RNF212B: variants seen among roughly 807,000 people sequenced by gnomAD.
RNF212B encodes the protein E3 ubiquitin-protein ligase RNF212B.
A neutral mutation model predicts 55.5 loss-of-function variants in RNF212B; 52 were observed. That is an observed-to-expected ratio of 0.94 (90% CI 0.75 to 1.18). The LOEUF is 1.18. Ranked by LOEUF, RNF212B falls within the 50% of genes most tolerant of loss-of-function variation. RNF212B has a pLI of 0.00. For synonymous variants in RNF212B, 99 were observed against 121.4 expected (o/e 0.82, Z 1.21); for missense variants, 289 against 350.4 (o/e 0.82, Z 1.40).
intron 8 of RNF212B, 66 bp from the exon 9 acceptor site, chr14:23,262,862 A>T: frequency 1.3e-6 from 2 of 1,494,784 alleles, no homozygotes; most frequent in South Asian, 2.4e-5. Context: ...TGTACAACAA[A>T]TTGGCCAGGC....
chr14:23,263,032 G>A (rs1202968285), intron 9 of RNF212B, 62 bp downstream of exon 9: 1 of 1,402,114 alleles, frequency 7.1e-7, no homozygotes, highest in African/African-American at 1.4e-5. Context: ...GAAATATCTA[G>A]TTGTAGCTCA....
At chr14:23,193,080 A>T (rs1052783894) in intron 1 of RNF212B, among the ~76,000 whole-genome samples, 10 of 139,080 alleles carry the variant, frequency 7.2e-5, no homozygotes, top group African/African-American at 2.2e-4. Context: ...CAACAAGAGA[A>T]AAACTCTGTC....
intron 2 of RNF212B, among the ~76,000 whole-genome samples, chr14:23,194,255 A>C (rs1878416590): frequency 6.6e-6 from 1 of 152,220 alleles, no homozygotes. Context: ...TAAGGCAAAA[A>C]GCATCAATAT....
At chr14:23,253,614 A>T (rs1282373398) in intron 4 of RNF212B, among the ~76,000 whole-genome samples, 1 of 152,082 alleles carries the variant, frequency 6.6e-6, no homozygotes, top group Non-Finnish European at 1.5e-5. Flanking sequence ...CTTATTTTGT[A>T]TGAGGGTAGC....
At chr14:23,251,814 C>CAAAAAAAA (rs71119011) in intron 4 of RNF212B, among the ~76,000 whole-genome samples, 4 of 136,402 alleles carry the variant, frequency 2.9e-5, no homozygotes, top group African/African-American at 2.7e-5. Flanking sequence ...GACTCTGTCT[C>CAAAAAAAA]AAAAAAAAAA....
At chr14:23,238,385 C>T (rs764185149) in intron 1 of RNF212B, among the ~76,000 whole-genome samples, 2 of 151,904 alleles carry the variant, frequency 1.3e-5, no homozygotes, top group Admixed American at 6.6e-5. Context: ...CATTTTTTAT[C>T]GTAAATCTTA....
chr14:23,201,049 T>TCCCC (rs1879240118), intron 2 of RNF212B, among the ~76,000 whole-genome samples: 1 of 152,200 alleles, frequency 6.6e-6, no homozygotes, highest in African/African-American at 2.4e-5. Flanking sequence ...AAAGAAAAGT[T>TCCCC]TTAAGACTCT....
intron 2 of RNF212B, among the ~76,000 whole-genome samples, chr14:23,242,625 A>G (rs1013895912): frequency 1.3e-5 from 2 of 151,972 alleles, no homozygotes; most frequent in African/African-American, 4.8e-5. Context: ...TTCTGCTGGG[A>G]GTTTAGAATT....
intron 4 of RNF212B, among the ~76,000 whole-genome samples, chr14:23,252,694 G>C (rs945967278): frequency 1.3e-5 from 2 of 152,154 alleles, no homozygotes; most frequent in Non-Finnish European, 2.9e-5. Flanking sequence ...CATGAGAAGC[G>C]GGGATGAAGA....
chr14:23,237,048 C>T (rs905230192), upstream of RNF212B, among the ~76,000 whole-genome samples: 1 of 149,628 alleles, frequency 6.7e-6, no homozygotes, highest in African/African-American at 2.5e-5. Flanking sequence ...ACTGCAGCCT[C>T]GACCCCGTGG....
intron 2 of RNF212B, among the ~76,000 whole-genome samples, chr14:23,205,066 TCCCTC>T (rs1361554986): frequency 2.6e-5 from 4 of 152,174 alleles, no homozygotes; most frequent in African/African-American, 9.7e-5. Context: ...GTCCTGAACA[TCCCTC>T]CTTCTTAATC....
intron 8 of RNF212B, 26 bp downstream of exon 8, chr14:23,262,737 T>C: frequency 6.5e-7 from 1 of 1,545,848 alleles, no homozygotes; most frequent in Non-Finnish European, 8.8e-7. Flanking sequence ...CCCCTAAATA[T>C]CTGTGTGAGA....
At chr14:23,245,865 C>T (rs1883938071) in intron 4 of RNF212B, among the ~76,000 whole-genome samples, 1 of 152,124 alleles carries the variant, frequency 6.6e-6, no homozygotes, top group African/African-American at 2.4e-5. Flanking sequence ...GTTGGTTTTG[C>T]TTATTGTTCT....
intron 2 of RNF212B, among the ~76,000 whole-genome samples, chr14:23,200,242 A>C (rs1756587847): frequency 6.6e-6 from 1 of 152,106 alleles, no homozygotes; most frequent in South Asian, 2.1e-4. Flanking sequence ...GTTCCATAGG[A>C]GGAATCTCAG....
chr14:23,199,159 C>T (rs1879030433), intron 2 of RNF212B, among the ~76,000 whole-genome samples: 1 of 152,154 alleles, frequency 6.6e-6, no homozygotes, highest in African/African-American at 2.4e-5. Context: ...CCGTGACAGC[C>T]TCAGGAAGTC....
chr14:23,257,158 CACAAA>C (rs1884901477), intron 4 of RNF212B, among the ~76,000 whole-genome samples: 2 of 150,150 alleles, frequency 1.3e-5, no homozygotes, highest in African/African-American at 2.5e-5. Flanking sequence ...GTCACACACA[CACAAA>C]AAAAATAAAA....
At chr14:23,251,643 C>A (rs906488279) in intron 4 of RNF212B, among the ~76,000 whole-genome samples, 8 of 152,144 alleles carry the variant, frequency 5.3e-5, no homozygotes, top group African/African-American at 1.7e-4. Flanking sequence ...TGGTGAAACC[C>A]TGCCTCTACT....
intron 11 of RNF212B, among the ~76,000 whole-genome samples, chr14:23,266,474 C>CA (rs1189592960): frequency 8.0e-6 from 1 of 125,208 alleles, no homozygotes; most frequent in East Asian, 2.4e-4. Flanking sequence ...TGCAGTGGTG[C>CA]AATCTCGGCT....
intron 4 of RNF212B, among the ~76,000 whole-genome samples, chr14:23,246,327 AT>A (rs1282113585): frequency 2.6e-5 from 4 of 152,122 alleles, no homozygotes; most frequent in African/African-American, 9.7e-5. Context: ...GATTCAATAA[AT>A]AATTTATGAA....
Sources: allele counts gnomAD v4.1 joint callset (sites outside exome capture counted in the v4.1 genomes callset), GRCh38; gene constraint gnomAD v4.1.1; transcripts MANE v1.5; gene names NCBI Gene and HGNC (gene_info 2026-07-23, HGNC 2026-07-21).